Variants in PANK3 observed in about 807,000 individuals in gnomAD.
The protein encoded by PANK3 is hPanK3.
Under a neutral mutation model 39.4 loss-of-function variants are expected in PANK3, and 20 were observed. The observed-to-expected ratio is 0.51, with a 90% CI of 0.36 to 0.74. PANK3 has a LOEUF of 0.74. Among genes scored for constraint, PANK3 ranks in the 30% least tolerant of loss-of-function variants. PANK3 has a pLI of 0.00. For synonymous variants in PANK3, 140 were observed against 157.3 expected, an observed-to-expected ratio of 0.89 and a Z score of 0.82; for missense variants, 265 against 437.0, an observed-to-expected ratio of 0.61 and a Z score of 3.51.
In PANK3 at chr5:168,556,903, T is replaced by G. The variant is rs1040345351; in HGVS notation, c.*668A>C. On this transcript the variant is annotated 3_prime_UTR_variant, in exon 7 of 7. Coordinates refer to ENST00000239231, the MANE Select transcript of PANK3 (RefSeq NM_024594.4). The stretch of plus-strand genomic sequence containing the variant: ...ATTTCAACATGTATTGACTAATTCC[T>G]GTAAAATACAGAAAGTGCAACATCA... The G allele has an allele frequency of 1.3e-5, 2 of 152,668 alleles. No individual in the cohort carries two copies. The highest frequency in any genetic ancestry group is 1.3e-4 in the Admixed American group (2 of 15,284). 9.5% of individuals were successfully genotyped at this position (152,668 alleles called of 1,614,324 possible).
chr5:168,561,510 C>T lies in PANK3; in HGVS notation c.819G>A (p.Gly273=), dbSNP rs1166271100. The T allele has an allele frequency of 1.3e-6, 2 of 1,565,586 alleles. No individual in the cohort carries two copies. The highest frequency in any genetic ancestry group is 1.4e-5 in the African/African-American group (1 of 72,598). The change falls in exon 5 of 7, where the codon GGG becomes GGA. Residue 273 remains glycine (G), a synonymous_variant. Transcript: ENST00000239231. ...LPGWAVASSF[G]NMIYKEKRES... ...CTCGCTTCTCCTTATAAATCATATT[C>T]CCAAAACTGCAGAAAAATGAAAAAT... is the stretch of plus-strand genomic sequence containing the variant.
chr5:168,565,946 T>C, intron 3 of PANK3, 67 bp downstream of exon 3: 13 of 1,451,508 alleles, frequency 9.0e-6, no homozygotes, highest in Admixed American at 2.0e-5. Context: ...GACATTATTA[T>C]ACTGATTTCA....
At chr5:168,567,252 T>C (rs536372302) in intron 2 of PANK3, among the ~76,000 whole-genome samples, 1 of 152,356 alleles carries the variant, frequency 6.6e-6, no homozygotes, top group South Asian at 2.1e-4. Flanking sequence ...TTGGTATTCA[T>C]GATCAATCTA....
intron 2 of PANK3, among the ~76,000 whole-genome samples, chr5:168,566,714 G>A (rs949867319): frequency 2.0e-5 from 3 of 152,208 alleles, no homozygotes; most frequent in South Asian, 4.2e-4. Flanking sequence ...AAAAGTATTC[G>A]TCCTATGGAT....
rs1048859886 is a variant in PANK3 at position 168,556,428 on chromosome 5, A to G, written c.*1143T>C. ...ACTCAGCCTCTCTTCCCCTTTTCCT[A>G]TGTTGCTCAATCTTCCTTTCCCTCC... On this transcript the variant is annotated 3_prime_UTR_variant, in exon 7 of 7. Transcript: ENST00000239231. The G allele has an allele frequency of 3.9e-5, 6 of 152,152 alleles. No individual in the cohort carries two copies. The highest frequency in any genetic ancestry group is 9.7e-5 in the African/African-American group (4 of 41,388). 9.4% of individuals were successfully genotyped at this position (152,152 alleles called of 1,614,324 possible). A position where few individuals can be genotyped will look rare whatever the true frequency, so the allele number is the denominator to read the frequency against.
rs1157017549 is a variant in PANK3 at position 168,551,990 on chromosome 5, T to C, written c.*5581A>G. On this transcript the variant is annotated 3_prime_UTR_variant, in exon 7 of 7. Coordinates refer to ENST00000239231, the MANE Select transcript of PANK3 (RefSeq NM_024594.4). The stretch of plus-strand genomic sequence containing the variant: ...ACTAATAGTCTTTGGAAAAGATGAG[T>C]GTAGAACTTAAAAGGCACTAGTTCT... 6.6e-6 allele frequency: 1 copy of C among 152,162 alleles called. No homozygotes were observed. The highest frequency in any genetic ancestry group is 1.5e-5 in the Non-Finnish European group (1 of 68,020). 9.4% of individuals were successfully genotyped at this position (152,162 alleles called of 1,614,324 possible).
chr5:168,565,450 G>T (rs1759509249), intron 3 of PANK3, among the ~76,000 whole-genome samples: 2 of 152,062 alleles, frequency 1.3e-5, no homozygotes, highest in East Asian at 3.9e-4. Context: ...CAGTTTAAGG[G>T]TTTACATATA....
intron 6 of PANK3, among the ~76,000 whole-genome samples, chr5:168,558,123 T>C (rs945762148): frequency 6.6e-6 from 1 of 151,872 alleles, no homozygotes; most frequent in Non-Finnish European, 1.5e-5. Flanking sequence ...TGATTTGTAT[T>C]GTGTGAGCAG....
intron 1 of PANK3, among the ~76,000 whole-genome samples, chr5:168,574,889 C>G (rs1398352942): frequency 2.0e-5 from 3 of 151,850 alleles, no homozygotes; most frequent in Non-Finnish European, 4.4e-5. Context: ...TACCAGTTTC[C>G]TAGGAAATCA....
At chr5:168,561,540 T>C in intron 4 of PANK3, 24 bp from the exon 5 acceptor site, 1 of 1,541,332 alleles carries the variant, frequency 6.5e-7, no homozygotes. Context: ...AAAAATAAAG[T>C]CAAATCTGCT....
intron 1 of PANK3, 32 bp from the exon 2 acceptor site, chr5:168,569,030 A>AAATATATATATATATAT (rs1554125888): frequency 1.0e-3 from 123 of 120,228 alleles, no homozygotes; most frequent in African/African-American, 4.8e-3. Flanking sequence ...AAAAAAAAAA[A>AAATATATATATATATAT]ATATATATAT....
chr5:168,569,180 G>GTTTTT (rs544747926), intron 1 of PANK3, among the ~76,000 whole-genome samples, 182 bp from the exon 2 acceptor site: 15 of 115,932 alleles, frequency 1.3e-4, no homozygotes, highest in African/African-American at 1.9e-4. Flanking sequence ...TCCCTTCAAA[G>GTTTTT]TTTTTTTTTT....
At chr5:168,558,305 C>T (rs527457138) in intron 6 of PANK3, among the ~76,000 whole-genome samples, 45 of 152,100 alleles carry the variant, frequency 3.0e-4, no homozygotes, top group Non-Finnish European at 4.4e-4. Context: ...GGATTACAGG[C>T]GCCCGCCACC....
chr5:168,560,934 T>C (rs370346491), intron 5 of PANK3: 1 of 520,854 alleles, frequency 1.9e-6, no homozygotes, highest in Non-Finnish European at 4.0e-6. Flanking sequence ...GCTTGATCCA[T>C]ATGCAACAAG....
At position 168,566,184 on chromosome 5, in the gene PANK3, T is replaced by C. The variant is rs753218347; in HGVS notation, c.464A>G (p.Asn155Ser). Reference sequence around the variant, plus strand: ...AAAATAATAGCACTCGGCTTGTCCATTGAAACTGACAGAGTCTATATACAG... The same window carrying C: ...AAAATAATAGCACTCGGCTTGTCCACTGAAACTGACAGAGTCTATATACAG... ...GLLYIDSVSF[N>S]GQAECYYFAN... The change falls in exon 3 of 7, where the codon AAT becomes AGT. Residue 155 changes from asparagine (N) to serine (S), a missense_variant. Physicochemically the swap from Asn to Ser is conservative, Grantham distance 46 (BLOSUM62 1). Coordinates refer to ENST00000239231, the MANE Select transcript of PANK3 (RefSeq NM_024594.4). The C allele has an allele frequency of 1.4e-5, 23 of 1,613,860 alleles. No homozygotes were observed. The highest frequency in any genetic ancestry group is 3.3e-5 in the South Asian group (3 of 91,078).
At chr5:168,571,382 C>T (rs1359793584) in intron 1 of PANK3, among the ~76,000 whole-genome samples, 1 of 152,120 alleles carries the variant, frequency 6.6e-6, no homozygotes, top group Non-Finnish European at 1.5e-5. Flanking sequence ...TCCTCAGTAC[C>T]CCCACTATAA....
chr5:168,579,314 C>T lies in PANK3; in HGVS notation c.-31G>A. The T allele has an allele frequency of 6.8e-7, 1 of 1,464,744 alleles. No homozygotes were observed. The highest frequency in any genetic ancestry group is 1.5e-5 in the African/African-American group (1 of 68,036). The allele number at this position is 1,464,744 out of a possible 1,614,324, so 90.7% of individuals were successfully genotyped here. On this transcript the variant is annotated 5_prime_UTR_variant, in exon 1 of 7. Coordinates refer to ENST00000239231, the MANE Select transcript of PANK3 (RefSeq NM_024594.4). ...CGGCCCGAGGGGCGATGGACGGCCTCCGATCCGGGGCACTGAGAGCAGAGG... is the reference window on the plus strand; with the variant it reads ...CGGCCCGAGGGGCGATGGACGGCCTTCGATCCGGGGCACTGAGAGCAGAGG...
intron 4 of PANK3, among the ~76,000 whole-genome samples, chr5:168,563,194 C>A (rs1582463337): frequency 6.6e-6 from 1 of 152,044 alleles, no homozygotes; most frequent in South Asian, 2.1e-4. Flanking sequence ...TACTATGAAT[C>A]AATATCCAGA....
chr5:168,548,547 T>A lies in PANK3; in HGVS notation c.*9024A>T, dbSNP rs1375561754. On this transcript the variant is annotated 3_prime_UTR_variant, in exon 7 of 7. Coordinates refer to ENST00000239231, the MANE Select transcript of PANK3 (RefSeq NM_024594.4). ...GAAAGTAGAAAATAAAAAGTATGAT[T>A]CTAACATCTATTTAGAATATGAACA... The A allele has an allele frequency of 6.6e-6, 1 of 152,150 alleles. No homozygotes were observed. Among genetic ancestry groups the A allele is most frequent in the East Asian group, 1.9e-4 (1 of 5,194 alleles). 9.4% of individuals were successfully genotyped at this position (152,150 alleles called of 1,614,324 possible).
Sources: gnomAD v4.1 joint callset for allele counts (sites outside exome capture counted in the v4.1 genomes callset) on GRCh38, gnomAD v4.1.1 for gene constraint, MANE v1.5 for transcripts, NCBI Gene and HGNC (gene_info 2026-07-23, HGNC 2026-07-21) for gene names.